Variants in GRK5 observed in about 807,000 individuals in gnomAD.
GRK5 encodes g protein-coupled receptor kinase GRK5.
A neutral mutation model predicts 78.4 loss-of-function variants in GRK5; 40 were observed. The ratio of observed to expected loss-of-function variants is 0.51; its 90% CI spans 0.40 to 0.66. The LOEUF (loss-of-function observed/expected upper bound fraction) is 0.66, where lower values mean the gene tolerates loss of function less well. GRK5 is among the 30% of genes least tolerant of loss of function. The probability of loss-of-function intolerance (pLI) is 0.00; values close to 1 mark genes in which losing one functional copy is unlikely to be tolerated. For synonymous variants in GRK5, 289 were observed against 296.8 expected (o/e 0.97, Z 0.27); for missense variants, 598 against 759.9 (o/e 0.79, Z 2.50).
At chr10:119,215,232 A>C (rs577952065) in intron 1 of GRK5, among the ~76,000 whole-genome samples, 14 of 152,380 alleles carry the variant, frequency 9.2e-5, no homozygotes, top group African/African-American at 3.4e-4. Context: ...TCTAGTGCTC[A>C]GTAGCCATGT....
At chr10:119,348,564 G>A (rs931329524) in intron 2 of GRK5, among the ~76,000 whole-genome samples, 2 of 152,236 alleles carry the variant, frequency 1.3e-5, no homozygotes, top group African/African-American at 4.8e-5. Context: ...GTGGTCCAGT[G>A]TGCTGGGCAG....
chr10:119,377,565 G>GT (rs372613019), intron 2 of GRK5, among the ~76,000 whole-genome samples: 2,077 of 152,252 alleles, frequency 0.014, 32 homozygotes, highest in African/African-American at 0.03. Context: ...CCAACGAGTA[G>GT]TTTTTTTGCC....
intron 2 of GRK5, among the ~76,000 whole-genome samples, chr10:119,368,726 C>A (rs1367693998): frequency 6.6e-6 from 1 of 152,234 alleles, no homozygotes; most frequent in Non-Finnish European, 1.5e-5. Context: ...TGGGCTCAGA[C>A]CGCCTCACTT....
chr10:119,385,088 G>A (rs1851771669), intron 3 of GRK5, among the ~76,000 whole-genome samples: 1 of 152,086 alleles, frequency 6.6e-6, no homozygotes, highest in Admixed American at 6.5e-5. Context: ...ACAAAGGCCT[G>A]AAGGCACGAG....
In GRK5 at chr10:119,412,714, TA is replaced by T. The variant is rs1852370354; in HGVS notation, c.340-10449del. 6.6e-6 allele frequency among the ~76,000 whole-genome samples: 1 copy of T among 152,192 alleles called. No individual in the cohort carries two copies. The highest frequency in any genetic ancestry group is 1.5e-5 in the Non-Finnish European group (1 of 68,030). ...CTTTTTCTTCCTGTCAGCCAGGCCT[TA>T]AATCAACCCTCAAGTGAGGAAATGC... On this transcript the variant is annotated intron_variant, in intron 4 of 15. Transcript: ENST00000392870. The surrounding 1 kb of genome is among the most constrained non-coding windows in gnomAD (Gnocchi z 4.3).
At chr10:119,287,172 G>A (rs1849862195) in intron 1 of GRK5, among the ~76,000 whole-genome samples, 1 of 139,754 alleles carries the variant, frequency 7.2e-6, no homozygotes, top group African/African-American at 2.7e-5. Context: ...GAAGAAGGGA[G>A]GGAGAGACAG....
At chr10:119,298,204 T>G (rs1850115548) in intron 1 of GRK5, among the ~76,000 whole-genome samples, 1 of 152,168 alleles carries the variant, frequency 6.6e-6, no homozygotes, top group African/African-American at 2.4e-5. Context: ...ATTTGGTCAT[T>G]TATTCACTCA....
chr10:119,370,113 G>A (rs1289849282), intron 2 of GRK5, among the ~76,000 whole-genome samples: 4 of 152,130 alleles, frequency 2.6e-5, no homozygotes, highest in African/African-American at 9.7e-5. Context: ...GACTGCATCT[G>A]ATGGGTTCAA....
chr10:119,216,865 G>A (rs1218434524), intron 1 of GRK5, among the ~76,000 whole-genome samples: 1 of 152,096 alleles, frequency 6.6e-6, no homozygotes, highest in African/African-American at 2.4e-5. Flanking sequence ...TGAGGCAGGA[G>A]AATTGTTTGA....
chr10:119,423,359 G>C (rs1443573773), intron 5 of GRK5, 93 bp downstream of exon 5: 1 of 815,606 alleles, frequency 1.2e-6, no homozygotes, highest in Admixed American at 1.9e-5. Flanking sequence ...CACTGAGGCA[G>C]GTCTTCCATG....
intron 1 of GRK5, among the ~76,000 whole-genome samples, chr10:119,276,613 C>T (rs1256155650): frequency 6.6e-6 from 1 of 152,138 alleles, no homozygotes; most frequent in Non-Finnish European, 1.5e-5. Flanking sequence ...TGGGTATATA[C>T]CCAGTAATGG....
chr10:119,425,286 C>CAA (rs1554920948), intron 6 of GRK5, among the ~76,000 whole-genome samples: 1 of 135,192 alleles, frequency 7.4e-6, no homozygotes, highest in African/African-American at 2.5e-5. Flanking sequence ...CACACACACA[C>CAA]ACACACACAC....
rs185740303 is a variant in GRK5 at position 119,420,721 on chromosome 10, G to A, written c.340-2445G>A. ...AGCCTCCCAAGTAGCCGAGACTACA[G>A]GCAAGCCACCATGTTTGGCTAATTT... On this transcript the variant is annotated intron_variant, in intron 4 of 15. Transcript: ENST00000392870. 2.6e-3 allele frequency among the ~76,000 whole-genome samples: 390 copies of A among 152,160 alleles called. 7 individuals carry two copies. Among genetic ancestry groups the A allele is most frequent in the East Asian group, 2.3e-3 (12 of 5,176 alleles).
rs755550522 is a variant in GRK5, at chr10:119,452,522, G to A, written c.1405-149G>A. ...CTCCCCTGGACTCACCTGCATCTGA[G>A]CCACACACCCTCCAGCCACTACCCA... On this transcript the variant is annotated intron_variant, in intron 13 of 15. Transcript: ENST00000392870. The surrounding 1 kb of genome is among the most constrained non-coding windows in gnomAD (Gnocchi z 4.4). 1.4e-4 allele frequency: 123 copies of A among 909,694 alleles called. No individual in the cohort carries two copies. The highest frequency in any genetic ancestry group is 2.0e-4 in the Non-Finnish European group (121 of 612,084). 56.4% of individuals were successfully genotyped at this position (909,694 alleles called of 1,614,324 possible).
At chr10:119,427,646 A>G (rs1211570676) in intron 6 of GRK5, among the ~76,000 whole-genome samples, 2 of 134,304 alleles carry the variant, frequency 1.5e-5, no homozygotes, top group Non-Finnish European at 3.0e-5. Flanking sequence ...TATCATCAGT[A>G]TCACCTCCAT....
chr10:119,344,399 A>G (rs1291668799), intron 2 of GRK5, among the ~76,000 whole-genome samples: 1 of 152,108 alleles, frequency 6.6e-6, no homozygotes, highest in African/African-American at 2.4e-5. Flanking sequence ...CTCATTGTTC[A>G]ATTCCCACCT....
At position 119,379,983 on chromosome 10, in the gene GRK5, C is replaced by T. The variant is rs987357309; in HGVS notation, c.149-832C>T. 2.6e-5 allele frequency among the ~76,000 whole-genome samples: 4 copies of T among 152,084 alleles called. No individual in the cohort carries two copies. Among genetic ancestry groups the T allele is most frequent in the Non-Finnish European group, 5.9e-5 (4 of 68,016 alleles). On this transcript the variant is annotated intron_variant, in intron 2 of 15. Coordinates refer to ENST00000392870, the MANE Select transcript of GRK5 (RefSeq NM_005308.3). This position sits in a 1 kb window ranked among gnomAD's most constrained non-coding sequence, Gnocchi z 4.1. ...CCCTCTTGGCTATTGAGTGGGTAAG[C>T]GCGGGTGACTTCCTGTCTCTGTGCC...
chr10:119,439,620 AAC>A, intron 9 of GRK5, 109 bp from the exon 10 acceptor site: 1 of 916,322 alleles, frequency 1.1e-6, no homozygotes, highest in Non-Finnish European at 1.8e-6. Flanking sequence ...GTGGGAAGGA[AAC>A]ACACTGTGGC....
intron 1 of GRK5, among the ~76,000 whole-genome samples, chr10:119,291,278 C>T (rs1004673467): frequency 8.5e-5 from 13 of 152,118 alleles, no homozygotes; most frequent in African/African-American, 2.4e-4. Flanking sequence ...ATCACCAATT[C>T]GGCAGGAGAT....
Sources: allele counts gnomAD v4.1 joint callset (sites outside exome capture counted in the v4.1 genomes callset), GRCh38; gene constraint gnomAD v4.1.1; non-coding constraint Gnocchi (gnomAD v3.1); transcripts MANE v1.5; gene names NCBI Gene and HGNC (gene_info 2026-07-23, HGNC 2026-07-21).